DIP2C: variants seen among roughly 807,000 people sequenced by gnomAD.
The protein encoded by DIP2C is DIP2 acetate--CoA ligase C (putative), also known as disco-interacting protein 2 homolog C.
In DIP2C, 33 loss-of-function variants were observed where a neutral mutation model predicts 192.4. The observed-to-expected ratio is 0.17, with a 90% CI of 0.13 to 0.23. The LOEUF (loss-of-function observed/expected upper bound fraction) is 0.23. Ranked by LOEUF, DIP2C falls within the 10% of genes least tolerant of loss-of-function variation. The probability of loss-of-function intolerance (pLI) is 1.00; values close to 1 mark genes in which losing one functional copy is unlikely to be tolerated. For synonymous variants in DIP2C, 979 were observed against 864.1 expected (o/e 1.13, Z -2.33); for missense variants, 1,537 against 2,110.1 (o/e 0.73, Z 5.32).
At chr10:350,390 C>T (rs186680233) in intron 24 of DIP2C, among the ~76,000 whole-genome samples, 4 of 152,312 alleles carry the variant, frequency 2.6e-5, no homozygotes, top group East Asian at 1.9e-4. Flanking sequence ...ATTATAAGCA[C>T]GTAACTAACC....
chr10:369,303 G>A (rs555278796), intron 18 of DIP2C, among the ~76,000 whole-genome samples, 191 bp downstream of exon 18: 73 of 152,324 alleles, frequency 4.8e-4, no homozygotes, highest in Non-Finnish European at 5.6e-4. Flanking sequence ...CTTCTTGATC[G>A]TCTACCAGGA....
intron 1 of DIP2C, chr10:663,650 T>C (rs2132094198): frequency 1.3e-5 from 2 of 152,320 alleles, no homozygotes; most frequent in Middle Eastern, 3.4e-3. Context: ...CAGGTTGAAA[T>C]GCGTGTGCCA....
chr10:374,673 C>T (rs1961360183), intron 17 of DIP2C, among the ~76,000 whole-genome samples: 1 of 152,202 alleles, frequency 6.6e-6, no homozygotes, highest in African/African-American at 2.4e-5. Flanking sequence ...CAGTAAAACA[C>T]CATTTGTTGG....
intron 22 of DIP2C, among the ~76,000 whole-genome samples, chr10:358,178 C>A (rs1959170496): frequency 6.6e-6 from 1 of 152,114 alleles, no homozygotes; most frequent in Non-Finnish European, 1.5e-5. Flanking sequence ...TGGAGGCCCT[C>A]CAAGCCCACG....
chr10:525,285 C>CA (rs1464244004), intron 1 of DIP2C, among the ~76,000 whole-genome samples: 3 of 152,166 alleles, frequency 2.0e-5, no homozygotes. Flanking sequence ...TTCCAAGTCA[C>CA]AAGCAGGTTG....
intron 1 of DIP2C, among the ~76,000 whole-genome samples, chr10:558,985 G>C (rs1849052106): frequency 7.1e-6 from 1 of 140,326 alleles, no homozygotes; most frequent in Admixed American, 7.3e-5. Flanking sequence ...CCCCTCCACA[G>C]GTGAGTTAGG....
At chr10:333,556 T>C (rs7091570) in intron 29 of DIP2C, among the ~76,000 whole-genome samples, 150,155 of 152,358 alleles carry the variant, frequency 0.99, 74,032 homozygotes, top group Middle Eastern at 1. Context: ...TGCTAGCGGA[T>C]ACCTGGATTG....
At chr10:605,947 G>C (rs1852428510) in intron 1 of DIP2C, among the ~76,000 whole-genome samples, 1 of 152,184 alleles carries the variant, frequency 6.6e-6, no homozygotes, top group Admixed American at 6.5e-5. Flanking sequence ...ATCCTGCTGG[G>C]CCCATCTGAA....
At chr10:593,311 G>A (rs983884629) in intron 1 of DIP2C, among the ~76,000 whole-genome samples, 2 of 152,100 alleles carry the variant, frequency 1.3e-5, no homozygotes, top group African/African-American at 4.8e-5. Context: ...CACGCCCAGT[G>A]TAACCCTAAG....
intron 3 of DIP2C, among the ~76,000 whole-genome samples, chr10:471,557 G>A: frequency 6.6e-6 from 1 of 152,184 alleles, no homozygotes; most frequent in East Asian, 1.9e-4. Context: ...AACAATGTGA[G>A]GATGCCAGTG....
intron 15 of DIP2C, 44 bp downstream of exon 15, chr10:384,502 C>T (rs370666399): frequency 4.3e-5 from 68 of 1,594,934 alleles, no homozygotes; most frequent in African/African-American, 2.8e-4. Flanking sequence ...CCTCCTAAAG[C>T]GCTGGGATTA....
chr10:595,316 GTT>G (rs1783894347), intron 1 of DIP2C, among the ~76,000 whole-genome samples: 1 of 152,136 alleles, frequency 6.6e-6, no homozygotes, highest in South Asian at 2.1e-4. Flanking sequence ...GAAGCCTTTG[GTT>G]TTAATATACA....
At position 504,244 on chromosome 10, in the gene DIP2C, C is replaced by T. The variant is rs144552538; in HGVS notation, c.86-17714G>A. Among the ~76,000 whole-genome samples the T allele has an allele frequency of 2.7e-3, 417 of 152,320 alleles. 2 individuals are homozygous for T. Among genetic ancestry groups the T allele is most frequent in the African/African-American group, 8.4e-3 (350 of 41,556 alleles). ...ACTGTTGTGCAAAAATCAGTTCCAA[C>T]GCCCTGTGGAGAATAAAGGCCACGC... On this transcript the variant is annotated intron_variant, in intron 1 of 36. Transcript: ENST00000280886.
At chr10:564,270 CTT>C (rs1849353819) in intron 1 of DIP2C, among the ~76,000 whole-genome samples, 1 of 151,992 alleles carries the variant, frequency 6.6e-6, no homozygotes, top group Non-Finnish European at 1.5e-5. Flanking sequence ...CACTGGCTCT[CTT>C]GGACATAACC....
chr10:423,745 T>C (rs934439462), intron 4 of DIP2C, among the ~76,000 whole-genome samples: 1 of 152,060 alleles, frequency 6.6e-6, no homozygotes, highest in East Asian at 1.9e-4. Context: ...TAGATACCCA[T>C]ACAGTTCCTT....
Position 654,229 on chromosome 10 carries a change from C to G in DIP2C, c.85+35265G>C, listed in dbSNP as rs577808227. Among the ~76,000 whole-genome samples, 26 of 152,314 alleles carry G rather than the reference C, an allele frequency of 1.7e-4. 1 individual carries two copies. Among genetic ancestry groups the G allele is most frequent in the Middle Eastern group, 6.8e-3 (2 of 294 alleles). On this transcript the variant is annotated intron_variant, in intron 1 of 36. Transcript: ENST00000280886. ...TCATTCTTCACAGCTGCTATCTGATCTCATGCTAATCAGTGTTTTTCTGAC... is the reference window on the plus strand; with the variant it reads ...TCATTCTTCACAGCTGCTATCTGATGTCATGCTAATCAGTGTTTTTCTGAC...
chr10:575,415 G>GA (rs1850089462), intron 1 of DIP2C, among the ~76,000 whole-genome samples: 1 of 152,214 alleles, frequency 6.6e-6, no homozygotes, highest in Admixed American at 6.5e-5. Context: ...AGCAGTGAGA[G>GA]AAAGGAGCTG....
In DIP2C at chr10:399,094, G is replaced by A. The variant is rs1303929895; in HGVS notation, c.1260+15C>T. 6.2e-7 allele frequency: 1 copy of A among 1,602,482 alleles called. No individual in the cohort carries two copies. Among genetic ancestry groups the A allele is most frequent in the Non-Finnish European group, 8.5e-7 (1 of 1,169,974 alleles). ...CTCACTCAGCGAGAAACCGAGCAAA[G>A]GGCGCATTCCTTACCTTCCTGGTGA... On this transcript the variant is annotated intron_variant, in intron 10 of 36. Transcript: ENST00000280886.
At chr10:659,118 A>G (rs564156968) in intron 1 of DIP2C, among the ~76,000 whole-genome samples, 10 of 152,394 alleles carry the variant, frequency 6.6e-5, no homozygotes, top group Admixed American at 4.6e-4. Context: ...TCATGCATAT[A>G]CATTCTGGCA....
Sources: allele counts gnomAD v4.1 joint callset (sites outside exome capture counted in the v4.1 genomes callset), GRCh38; gene constraint gnomAD v4.1.1; transcripts MANE v1.5; gene names NCBI Gene and HGNC (gene_info 2026-07-23, HGNC 2026-07-21).